SIX3: variants seen among roughly 807,000 people sequenced by gnomAD.
The protein encoded by SIX3 is SIX homeobox 3.
SIX3 carries 2 observed loss-of-function variants against 21.7 expected under a neutral mutation model. The observed-to-expected ratio is 0.09, with a 90% confidence interval of 0.04 to 0.29. The LOEUF (loss-of-function observed/expected upper bound fraction) is 0.29, where lower values mean the gene tolerates loss of function less well. SIX3 is among the 10% of genes least tolerant of loss of function. The pLI, the probability that SIX3 is intolerant of heterozygous loss-of-function variation, is 1.00. For missense variants in SIX3, 347 were observed against 480.7 expected (o/e 0.72, Z 2.60); for synonymous variants, 243 against 220.6 (o/e 1.10, Z -0.90).
In SIX3 at chr2:44,942,679, G is replaced by A; in HGVS notation, c.575G>A (p.Arg192His). 1 of 1,601,046 alleles carries A rather than the reference G, an allele frequency of 6.2e-7. No homozygotes were observed. Residue 192 changes from arginine (R) to histidine (H), a missense_variant, in exon 1 of 2, where the codon CGC becomes CAC. Transcript: ENST00000260653. This position sits in a 1 kb window ranked among gnomAD's most constrained non-coding sequence, Gnocchi z 8.4. ...CCACTCGGCCCGGTGGACAAGTACC[G>A]CGTGCGCAAGAAGTTCCCGCTGCCA... ...GRPLGPVDKYRVRKKFPLPRT... is the reference protein window; with the variant it reads ...GRPLGPVDKYHVRKKFPLPRT...
Position 44,941,863 on chromosome 2 carries a change from G to A in SIX3, c.-242G>A, listed in dbSNP as rs1572623388. ...GGTTCTCTCTCTGCGCGCGCGCACC[G>A]GGCCGCTCTCCTACCTCCCTCTCTA... On this transcript the variant is annotated 5_prime_UTR_variant, in exon 1 of 2. Transcript: ENST00000260653. The A allele has an allele frequency of 7.9e-6, 3 of 380,416 alleles. No homozygotes were observed. The highest frequency in any genetic ancestry group is 6.7e-5 in the South Asian group (2 of 29,926). The allele number at this position is 380,416 out of a possible 1,614,324, so 23.6% of individuals were successfully genotyped here. A position where few individuals can be genotyped will look rare whatever the true frequency, so the allele number is the denominator to read the frequency against.
intron 1 of SIX3, among the ~76,000 whole-genome samples, chr2:44,944,098 C>G (rs572975551): frequency 1.3e-5 from 2 of 152,344 alleles, no homozygotes; most frequent in Non-Finnish European, 2.9e-5. Context: ...TTTTCTGTCT[C>G]CCTGCTCTTT....
At position 44,942,422 on chromosome 2, in the gene SIX3, G is replaced by C. The variant is rs1336980946; in HGVS notation, c.318G>C (p.Glu106Asp). 5 of 1,597,754 alleles carry C rather than the reference G, an allele frequency of 3.1e-6. No homozygotes were observed. Among genetic ancestry groups the C allele is most frequent in the Non-Finnish European group, 3.4e-6 (4 of 1,179,594 alleles). Residue 106 changes from glutamate to aspartate, a missense_variant, in exon 1 of 2, where the codon GAG (glutamate) becomes GAC (aspartate). Transcript: ENST00000260653. This position sits in a 1 kb window ranked among gnomAD's most constrained non-coding sequence, Gnocchi z 8.4. ...CETLEETGDI[E>D]RLGRFLWSLP... is the part of the protein sequence containing the mutation. ...CGCTGGAGGAGACGGGCGACATCGA[G>C]CGGCTGGGCCGCTTCCTCTGGTCGC...
Position 44,942,722 on chromosome 2 carries a change from C to G in SIX3, c.618C>G (p.Gly206=). The G allele has an allele frequency of 6.2e-7, 1 of 1,602,198 alleles. No individual in the cohort carries two copies. The highest frequency in any genetic ancestry group is 8.5e-7 in the Non-Finnish European group (1 of 1,179,804). Residue 206 remains glycine (G), a synonymous_variant, in exon 1 of 2, where the codon GGC becomes GGG. Coordinates refer to ENST00000260653, the MANE Select transcript of SIX3 (RefSeq NM_005413.4). This position sits in a 1 kb window ranked among gnomAD's most constrained non-coding sequence, Gnocchi z 8.4. Reference sequence around the variant, plus strand: ...CGCTGCCACGCACCATCTGGGACGGCGAGCAGAAGACGCATTGCTTCAAGG... The same window carrying G: ...CGCTGCCACGCACCATCTGGGACGGGGAGCAGAAGACGCATTGCTTCAAGG... ...KFPLPRTIWD[G]EQKTHCFKER...
At chr2:44,943,003 C>T in intron 1 of SIX3, 93 bp downstream of exon 1, 2 of 1,475,166 alleles carry the variant, frequency 1.4e-6, no homozygotes, top group South Asian at 1.4e-5. Context: ...CCGCTGAGAG[C>T]CAGGGAAGCC....
At chr2:44,943,138 T>C (rs1327213385) in intron 1 of SIX3, among the ~76,000 whole-genome samples, 1 of 152,042 alleles carries the variant, frequency 6.6e-6, no homozygotes, top group Non-Finnish European at 1.5e-5. Context: ...AGAGAGTGTG[T>C]GCTTGCGACC....
In SIX3 at chr2:44,942,122, C is replaced by G. The variant is rs201997244; in HGVS notation, c.18C>G (p.Pro6=). 29 of 1,596,026 alleles carry G rather than the reference C, an allele frequency of 1.8e-5. No individual in the cohort carries two copies. The highest frequency in any genetic ancestry group is 4.5e-5 in the East Asian group (2 of 44,682). Residue 6 remains proline (P), a synonymous_variant, in exon 1 of 2, where the codon CCC becomes CCG. Transcript: ENST00000260653. The surrounding 1 kb of genome is among the most constrained non-coding windows in gnomAD (Gnocchi z 8.4). The part of the protein sequence containing the change: MVFRS[P]LDLYSSHFLL... ...GTCAGTCCATGGTATTCCGCTCCCC[C>G]CTAGACCTCTATTCCTCCCACTTCT...
rs920632993 is a variant in SIX3, at chr2:44,945,802, G to T, written c.*1042G>T. On this transcript the variant is annotated 3_prime_UTR_variant, in exon 2 of 2. Transcript: ENST00000260653. ...CGCTCAACTGTCTCTTTTCTTTTTGGGGTTCTCCTCCCACTCGGTGCTCCT... is the reference window on the plus strand; with the variant it reads ...CGCTCAACTGTCTCTTTTCTTTTTGTGGTTCTCCTCCCACTCGGTGCTCCT... The T allele has an allele frequency of 1.3e-5, 2 of 151,708 alleles. No homozygotes were observed. Among genetic ancestry groups the T allele is most frequent in the Non-Finnish European group, 2.9e-5 (2 of 67,968 alleles). The allele number at this position is 151,708 out of a possible 1,614,324, so 9.4% of individuals were successfully genotyped here.
chr2:44,944,517 C>CT (rs765468858), intron 1 of SIX3, 51 bp from the exon 2 acceptor site: 245 of 1,521,820 alleles, frequency 1.6e-4, no homozygotes, highest in Admixed American at 6.8e-4. Flanking sequence ...GCGGGGGAGC[C>CT]GGGTGGCGGG....
chr2:44,944,501 G>A (rs1572625245), intron 1 of SIX3, 67 bp from the exon 2 acceptor site: 2 of 1,491,084 alleles, frequency 1.3e-6, no homozygotes, highest in Non-Finnish European at 9.0e-7. Context: ...AATGGGGAGC[G>A]GCGGCGCGGG....
Position 44,942,136 on chromosome 2 carries a change from C to T in SIX3, c.32C>T (p.Ser11Phe). 6.3e-7 allele frequency: 1 copy of T among 1,597,778 alleles called. No homozygotes were observed. The highest frequency in any genetic ancestry group is 8.5e-7 in the Non-Finnish European group (1 of 1,179,108). ...TTCCGCTCCCCCCTAGACCTCTATT[C>T]CTCCCACTTCTTGTTGCCAAACTTC... MVFRSPLDLY[S>F]SHFLLPNFAD... The change falls in exon 1 of 2, where the codon TCC becomes TTC. Residue 11 changes from serine (S) to phenylalanine (F), a missense_variant. Ser to Phe is a radical substitution (Grantham distance 155). This residue lies in a region of SIX3 where 105 missense variants were observed against 116.1 expected (regional missense o/e 0.90). Transcript: ENST00000260653. This position sits in a 1 kb window ranked among gnomAD's most constrained non-coding sequence, Gnocchi z 8.4.
Position 44,942,890 on chromosome 2 carries a change from C to A in SIX3, c.786C>A (p.Arg262=), listed in dbSNP as rs778895549. 48 of 1,598,344 alleles carry A rather than the reference C, an allele frequency of 3.0e-5. No homozygotes were observed. Among genetic ancestry groups the A allele is most frequent in the Non-Finnish European group, 4.0e-5 (47 of 1,179,790 alleles). Reference sequence around the variant, plus strand: ...TTAAGAACCGGCGGCAGCGCGACCGCGCCGCGGCGGCCAAGAACAGGTTAG... The same window carrying A: ...TTAAGAACCGGCGGCAGCGCGACCGAGCCGCGGCGGCCAAGAACAGGTTAG... ...NWFKNRRQRD[R]AAAAKNRLQH... Residue 262 remains arginine, a synonymous_variant, in exon 1 of 2, where the codon CGC becomes CGA. Transcript: ENST00000260653. The surrounding 1 kb of genome is among the most constrained non-coding windows in gnomAD (Gnocchi z 8.4).
At chr2:44,944,503 C>T (rs1666649228) in intron 1 of SIX3, 65 bp from the exon 2 acceptor site, 14 of 1,495,146 alleles carry the variant, frequency 9.4e-6, no homozygotes, top group South Asian at 3.6e-5. Flanking sequence ...TGGGGAGCGG[C>T]GGCGCGGGGG....
At chr2:44,943,752 T>C (rs952680448) in intron 1 of SIX3, among the ~76,000 whole-genome samples, 3 of 152,218 alleles carry the variant, frequency 2.0e-5, no homozygotes, top group Non-Finnish European at 4.4e-5. Flanking sequence ...AGCCCTGATG[T>C]GGAGCCTGTG....
In SIX3 at chr2:44,944,584, A is replaced by G. The variant is rs373028825; in HGVS notation, c.823A>G (p.Ile275Val). ...AAKNRLQHQA[I>V]GPSGMRSLAE... The stretch of plus-strand genomic sequence containing the variant: ...CTCCCGCAGGCTCCAGCACCAGGCC[A>G]TTGGACCGAGCGGCATGCGCTCGCT... The change falls in exon 2 of 2, where the codon ATT (isoleucine) becomes GTT (valine). Residue 275 changes from isoleucine (I) to valine (V), a missense_variant. Physicochemically the swap from Ile to Val is conservative, Grantham distance 29. This residue lies in a region of SIX3 where 110 missense variants were observed against 93.3 expected (regional missense o/e 1.18). Transcript: ENST00000260653. 15 of 1,578,606 alleles carry G rather than the reference A, an allele frequency of 9.5e-6. No individual in the cohort carries two copies. Among genetic ancestry groups the G allele is most frequent in the South Asian group, 1.1e-5 (1 of 88,618 alleles).
chr2:44,945,022 A>AAGG lies in SIX3; in HGVS notation c.*264_*266dup. ...ACCATCTACCACTACGGCCACCCCA[A>AAGG]AGGACCCCGACGCCAACAGACAGTC... On this transcript the variant is annotated 3_prime_UTR_variant, in exon 2 of 2. Transcript: ENST00000260653. 5.5e-6 allele frequency: 3 copies of AAGG among 544,220 alleles called. No individual in the cohort carries two copies. Among genetic ancestry groups the AAGG allele is most frequent in the Non-Finnish European group, 9.9e-6 (3 of 302,146 alleles). The allele number at this position is 544,220 out of a possible 1,614,324, so 33.7% of individuals were successfully genotyped here. A position where few individuals can be genotyped will look rare whatever the true frequency, so the allele number is the denominator to read the frequency against.
At chr2:44,943,049 T>C in intron 1 of SIX3, 139 bp downstream of exon 1, 2 of 1,393,806 alleles carry the variant, frequency 1.4e-6, no homozygotes, top group Non-Finnish European at 1.9e-6. Flanking sequence ...TTTCCGCTTG[T>C]CCGGGACGCG....
In SIX3 at chr2:44,941,773, A is replaced by C. The variant is rs1558419353; in HGVS notation, c.-332A>C. The C allele has an allele frequency of 3.1e-6, 1 of 323,224 alleles. No homozygotes were observed. The highest frequency in any genetic ancestry group is 6.0e-6 in the Non-Finnish European group (1 of 167,518). The allele number at this position is 323,224 out of a possible 1,614,324, so 20.0% of individuals were successfully genotyped here. ...AGGGCGATTGCGGTGGAATCGCTGAATCTTGACTCGGCGGTGGTTGGCTCT... is the reference window on the plus strand; with the variant it reads ...AGGGCGATTGCGGTGGAATCGCTGACTCTTGACTCGGCGGTGGTTGGCTCT... On this transcript the variant is annotated 5_prime_UTR_variant, in exon 1 of 2. Coordinates refer to ENST00000260653, the MANE Select transcript of SIX3 (RefSeq NM_005413.4).
chr2:44,941,904 GT>G lies in SIX3; in HGVS notation c.-200del. 3.9e-6 allele frequency: 2 copies of G among 509,616 alleles called. No individual in the cohort carries two copies. The highest frequency in any genetic ancestry group is 3.7e-6 in the Non-Finnish European group (1 of 270,014). The allele number at this position is 509,616 out of a possible 1,614,324, so 31.6% of individuals were successfully genotyped here. A position where few individuals can be genotyped will look rare whatever the true frequency, so the allele number is the denominator to read the frequency against. ...TCCCTCTCTATGTGGCTGCGCGGGTGTGTGTGTGTGTGGATGTGTGTGGGGT... is the reference window on the plus strand; with the variant it reads ...TCCCTCTCTATGTGGCTGCGCGGGTGGTGTGTGTGTGGATGTGTGTGGGGT... On this transcript the variant is annotated 5_prime_UTR_variant, in exon 1 of 2. An upstream open reading frame in the 5' UTR loses its in-frame stop. Coordinates refer to ENST00000260653, the MANE Select transcript of SIX3 (RefSeq NM_005413.4).
Sources: allele counts gnomAD v4.1 joint callset (sites outside exome capture counted in the v4.1 genomes callset), GRCh38; gene constraint gnomAD v4.1.1; regional missense constraint gnomAD v4.1.1; non-coding constraint Gnocchi (gnomAD v3.1); transcripts MANE v1.5; gene names NCBI Gene and HGNC (gene_info 2026-07-23, HGNC 2026-07-21).